The following GCKR variants were observed in gnomAD, a reference collection of about 807,000 sequenced individuals.
GCKR encodes the protein glucokinase regulator.
A neutral mutation model predicts 82.9 loss-of-function variants in GCKR; 73 were observed. That is an observed-to-expected ratio of 0.88 (90% CI 0.73 to 1.07). The LOEUF is 1.07. Among genes scored for constraint, GCKR ranks in the 50% least tolerant of loss-of-function variants. GCKR has a pLI of 0.00. For synonymous variants in GCKR, 294 were observed against 291.8 expected (o/e 1.01, Z -0.08); for missense variants, 784 against 782.1 (o/e 1.00, Z -0.03).
intron 16 of GCKR, among the ~76,000 whole-genome samples, chr2:27,511,591 C>T (rs183573614): frequency 2.3e-3 from 348 of 151,326 alleles, no homozygotes; most frequent in Non-Finnish European, 3.7e-3. Context: ...CCCAGCTAGT[C>T]GGGAGGCTGA....
rs757507770 is a variant in GCKR, at chr2:27,499,454, A to G, written c.549+4A>G. The G allele has an allele frequency of 2.5e-6, 4 of 1,600,200 alleles. No individual in the cohort carries two copies. The African/African-American group carries it at 5.4e-5, about 21-fold the overall frequency. Reference sequence around the variant, plus strand: ...TGGCATTTCTGTGGGACTCTCTGTGAGTAAAAAGATGGGTTGAGTGGATCA... The same window carrying G: ...TGGCATTTCTGTGGGACTCTCTGTGGGTAAAAAGATGGGTTGAGTGGATCA... On this transcript the variant is annotated splice_donor_region_variant and intron_variant, in intron 7 of 18. Coordinates refer to ENST00000264717, the MANE Select transcript of GCKR (RefSeq NM_001486.4).
At chr2:27,522,686 A>C in intron 18 of GCKR, 92 bp downstream of exon 18, 22 of 1,059,478 alleles carry the variant, frequency 2.1e-5, no homozygotes, top group Non-Finnish European at 3.2e-5. Context: ...TACAAAGCTC[A>C]GTGGCACTCT....
intron 16 of GCKR, among the ~76,000 whole-genome samples, chr2:27,509,289 G>A (rs145303278): frequency 1.3e-5 from 2 of 152,258 alleles, no homozygotes; most frequent in African/African-American, 4.8e-5. Context: ...GTATAGAAGC[G>A]GAAGTTTCTC....
chr2:27,523,561 GC>G lies in GCKR; in HGVS notation c.*125del. ...AAGCCCCGTTTCCAGGGCATCCGCA[GC>G]CCAGGGTAGGGAGAAATATTCTCTC... On this transcript the variant is annotated 3_prime_UTR_variant, in exon 19 of 19. Transcript: ENST00000264717. 1.1e-6 allele frequency: 1 copy of G among 935,256 alleles called. No homozygotes were observed. The highest frequency in any genetic ancestry group is 1.7e-6 in the Non-Finnish European group (1 of 593,360). The allele number at this position is 935,256 out of a possible 1,614,324, so 57.9% of individuals were successfully genotyped here.
rs1181073164 is a variant in GCKR, at chr2:27,523,547, C to G, written c.*108C>G. 1 of 1,116,328 alleles carries G rather than the reference C, an allele frequency of 9.0e-7. No individual in the cohort carries two copies. Among genetic ancestry groups the G allele is most frequent in the Non-Finnish European group, 1.3e-6 (1 of 749,882 alleles). The allele number at this position is 1,116,328 out of a possible 1,614,324, so 69.2% of individuals were successfully genotyped here. ...CATGTGGGAGGAAGAAGCCCCGTTT[C>G]CAGGGCATCCGCAGCCCAGGGTAGG... On this transcript the variant is annotated 3_prime_UTR_variant, in exon 19 of 19. Coordinates refer to ENST00000264717, the MANE Select transcript of GCKR (RefSeq NM_001486.4).
intron 16 of GCKR, among the ~76,000 whole-genome samples, chr2:27,515,764 TA>T (rs1317345893): frequency 0.014 from 1,592 of 116,056 alleles, 11 homozygotes; most frequent in East Asian, 0.049. Context: ...TATATATATA[TA>T]TTTTTTTTTT....
chr2:27,516,283 G>GTTTTTTTTTT (rs35189790), intron 16 of GCKR, among the ~76,000 whole-genome samples: 4 of 58,550 alleles, frequency 6.8e-5, no homozygotes, highest in Admixed American at 2.5e-4. Context: ...CTTCATTCTT[G>GTTTTTTTTTT]TTTTTTTTTT....
intron 11 of GCKR, 57 bp from the exon 12 acceptor site, chr2:27,506,731 A>G: frequency 8.4e-7 from 1 of 1,191,294 alleles, no homozygotes; most frequent in Non-Finnish European, 1.3e-6. Flanking sequence ...TTCTGTGGAC[A>G]TCTCTGGCCT....
chr2:27,500,806 C>T (rs1281541852), intron 7 of GCKR, among the ~76,000 whole-genome samples: 2 of 152,192 alleles, frequency 1.3e-5, no homozygotes, highest in Non-Finnish European at 2.9e-5. Flanking sequence ...ATTCACTTCG[C>T]AGAAACTAGA....
chr2:27,506,996 C>G, intron 12 of GCKR, 111 bp downstream of exon 12: 2 of 811,608 alleles, frequency 2.5e-6, no homozygotes, highest in Non-Finnish European at 4.4e-6. Context: ...AGTGTCCCAC[C>G]TTCCCTATCT....
chr2:27,502,885 AAAG>A (rs758341522), intron 8 of GCKR, among the ~76,000 whole-genome samples: 23 of 152,232 alleles, frequency 1.5e-4, no homozygotes, highest in Non-Finnish European at 2.4e-4. Flanking sequence ...GAAATCAACT[AAAG>A]AAGATCGTCA....
At chr2:27,501,074 C>T (rs1669562038) in intron 7 of GCKR, 61 bp from the exon 8 acceptor site, 1 of 1,139,088 alleles carries the variant, frequency 8.8e-7, no homozygotes, top group Middle Eastern at 1.9e-4. Flanking sequence ...TGCACTTGAG[C>T]CTTGGGCACC....
chr2:27,506,398 C>A (rs1343415740), intron 10 of GCKR, 83 bp from the exon 11 acceptor site: 2 of 900,942 alleles, frequency 2.2e-6, no homozygotes, highest in African/African-American at 3.3e-5. Context: ...GGAGCTGTGC[C>A]TTCACCTCCC....
At chr2:27,513,022 C>A (rs1015502305) in intron 16 of GCKR, among the ~76,000 whole-genome samples, 2 of 152,100 alleles carry the variant, frequency 1.3e-5, no homozygotes, top group African/African-American at 4.8e-5. Context: ...TGTCAGTTTG[C>A]CCCTTTATTG....
chr2:27,521,876 C>T (rs950868247), intron 17 of GCKR, among the ~76,000 whole-genome samples: 5 of 152,020 alleles, frequency 3.3e-5, no homozygotes, highest in Non-Finnish European at 5.9e-5. Context: ...GCAGGTGCCA[C>T]CATGCCCAGC....
At chr2:27,513,492 C>G (rs1310147987) in intron 16 of GCKR, among the ~76,000 whole-genome samples, 1 of 148,694 alleles carries the variant, frequency 6.7e-6, no homozygotes, top group African/African-American at 2.5e-5. Context: ...CGTGCCATTG[C>G]ACTCCAGCCT....
chr2:27,510,611 T>G (rs1056452476), intron 16 of GCKR, among the ~76,000 whole-genome samples: 13 of 152,222 alleles, frequency 8.5e-5, no homozygotes, highest in African/African-American at 3.1e-4. Flanking sequence ...CCTTACACCC[T>G]TATACATACT....
intron 7 of GCKR, among the ~76,000 whole-genome samples, chr2:27,499,860 C>T (rs1471977145): frequency 1.3e-5 from 2 of 151,948 alleles, no homozygotes; most frequent in East Asian, 1.9e-4. Flanking sequence ...CAGGTTCAAG[C>T]GATTCTCCTG....
Position 27,499,221 on chromosome 2 carries a change from C to A in GCKR, c.495+13C>A. 6.3e-7 allele frequency: 1 copy of A among 1,585,662 alleles called. No homozygotes were observed. The highest frequency in any genetic ancestry group is 1.1e-5 in the South Asian group (1 of 90,442). Reference sequence around the variant, plus strand: ...GGAACTGAAGAAGGTCTGTGCTTTTCACTGACATTGACCAGAGACCTCTAT... The same window carrying A: ...GGAACTGAAGAAGGTCTGTGCTTTTAACTGACATTGACCAGAGACCTCTAT... On this transcript the variant is annotated intron_variant, in intron 6 of 18. Coordinates refer to ENST00000264717, the MANE Select transcript of GCKR (RefSeq NM_001486.4).
Sources: allele counts gnomAD v4.1 joint callset (sites outside exome capture counted in the v4.1 genomes callset), GRCh38; gene constraint gnomAD v4.1.1; transcripts MANE v1.5; gene names NCBI Gene and HGNC (gene_info 2026-07-23, HGNC 2026-07-21).